The following TMTC2 variants were observed in gnomAD, a reference collection of about 807,000 sequenced individuals.
The protein encoded by TMTC2 is protein O-mannosyl-transferase TMTC2.
TMTC2 carries 43 observed loss-of-function variants against 82.4 expected under a neutral mutation model. That is an observed-to-expected ratio of 0.52 (90% CI 0.41 to 0.67). The LOEUF is 0.67. Ranked by LOEUF, TMTC2 falls within the 30% of genes least tolerant of loss-of-function variation. The pLI is 0.00. For missense variants in TMTC2, 919 were observed against 1,012.4 expected (o/e 0.91, Z 1.25); for synonymous variants, 408 against 381.9 (o/e 1.07, Z -0.80).
At chr12:82,901,680 G>A (rs1054553241) in intron 3 of TMTC2, among the ~76,000 whole-genome samples, 1 of 152,064 alleles carries the variant, frequency 6.6e-6, no homozygotes, top group African/African-American at 2.4e-5. Context: ...ACTCAGACAT[G>A]ATGTATTGGG....
At chr12:82,852,356 C>T (rs1871024407) in intron 1 of TMTC2, among the ~76,000 whole-genome samples, 1 of 152,110 alleles carries the variant, frequency 6.6e-6, no homozygotes, top group Non-Finnish European at 1.5e-5. Context: ...ATCCATCGTC[C>T]TCGGCCTCCC....
intron 1 of TMTC2, among the ~76,000 whole-genome samples, chr12:82,794,506 G>C (rs1878624030): frequency 6.6e-6 from 1 of 152,036 alleles, no homozygotes; most frequent in Non-Finnish European, 1.5e-5. Flanking sequence ...TATGAATTTT[G>C]CTGGTTGTGT....
intron 8 of TMTC2, among the ~76,000 whole-genome samples, chr12:82,994,423 C>T (rs1292720523): frequency 6.7e-6 from 1 of 149,048 alleles, no homozygotes; most frequent in African/African-American, 2.5e-5. Context: ...CATGAGCTAC[C>T]GTGCCCGTCT....
intron 3 of TMTC2, among the ~76,000 whole-genome samples, chr12:82,902,527 G>A (rs1874073068): frequency 6.6e-6 from 1 of 152,170 alleles, no homozygotes. Context: ...TTGTAATGAT[G>A]TGAGTGACAA....
chr12:82,769,257 T>A (rs1877153469), intron 1 of TMTC2, among the ~76,000 whole-genome samples: 1 of 151,646 alleles, frequency 6.6e-6, no homozygotes, highest in South Asian at 2.1e-4. Flanking sequence ...TGAAACACCT[T>A]AGGTCAGGAG....
At chr12:82,958,068 A>G (rs1418448709) in intron 4 of TMTC2, among the ~76,000 whole-genome samples, 1 of 152,090 alleles carries the variant, frequency 6.6e-6, no homozygotes, top group Admixed American at 6.6e-5. Context: ...CAAAGACACA[A>G]GGAAGAAAAC....
chr12:82,730,585 T>C (rs940104933), intron 1 of TMTC2, among the ~76,000 whole-genome samples: 4 of 152,186 alleles, frequency 2.6e-5, no homozygotes, highest in Non-Finnish European at 5.9e-5. Context: ...ATGCAGAGAT[T>C]AGCACTTTTA....
At chr12:82,914,735 G>C (rs550381273) in intron 3 of TMTC2, among the ~76,000 whole-genome samples, 1 of 150,888 alleles carries the variant, frequency 6.6e-6, no homozygotes, top group Non-Finnish European at 1.5e-5. Context: ...ATAATAATGT[G>C]CTTTCCAAGG....
At chr12:82,765,291 T>C (rs141616143) in intron 1 of TMTC2, among the ~76,000 whole-genome samples, 18 of 152,182 alleles carry the variant, frequency 1.2e-4, no homozygotes, top group Non-Finnish European at 2.2e-4. Context: ...TCAATAAATA[T>C]GTATCAAGTG....
chr12:82,963,189 G>A (rs1053950978), intron 4 of TMTC2, among the ~76,000 whole-genome samples: 3 of 151,906 alleles, frequency 2.0e-5, no homozygotes, highest in South Asian at 2.1e-4. Flanking sequence ...AGGGAAGAAC[G>A]ATCATAAGCA....
intron 7 of TMTC2, among the ~76,000 whole-genome samples, chr12:82,979,274 T>C (rs1006402940): frequency 3.3e-5 from 5 of 151,690 alleles, no homozygotes; most frequent in Non-Finnish European, 7.4e-5. Flanking sequence ...TCCTGTCTTT[T>C]AGTGAAGGTG....
At chr12:82,849,920 A>T (rs1870883646) in intron 1 of TMTC2, among the ~76,000 whole-genome samples, 1 of 152,082 alleles carries the variant, frequency 6.6e-6, no homozygotes, top group Admixed American at 6.5e-5. Flanking sequence ...TAGGATTTTT[A>T]AAATTTCATT....
At chr12:82,913,930 G>T (rs1347380108) in intron 3 of TMTC2, among the ~76,000 whole-genome samples, 1 of 151,980 alleles carries the variant, frequency 6.6e-6, no homozygotes, top group Non-Finnish European at 1.5e-5. Context: ...TTATACGTGG[G>T]TTTCAAATCC....
chr12:82,852,293 G>C (rs1354625880), intron 1 of TMTC2, among the ~76,000 whole-genome samples: 2 of 151,958 alleles, frequency 1.3e-5, no homozygotes, highest in Admixed American at 6.6e-5. Context: ...GTTTTTAGTA[G>C]AGACAGGGTT....
At chr12:82,993,352 G>T (rs1879478517) in intron 8 of TMTC2, among the ~76,000 whole-genome samples, 1 of 144,414 alleles carries the variant, frequency 6.9e-6, no homozygotes, top group Non-Finnish European at 1.5e-5. Flanking sequence ...TTTGAACTGT[G>T]CAGGTCTACT....
At chr12:82,828,297 T>C (rs193244322) in intron 1 of TMTC2, among the ~76,000 whole-genome samples, 1 of 141,352 alleles carries the variant, frequency 7.1e-6, no homozygotes, top group Admixed American at 7.5e-5. Context: ...CACTGCAACC[T>C]CTGCCTCCTG....
intron 8 of TMTC2, among the ~76,000 whole-genome samples, chr12:83,015,454 A>T (rs1880634222): frequency 1.3e-5 from 2 of 152,188 alleles, no homozygotes; most frequent in South Asian, 4.1e-4. Flanking sequence ...ATTAATCTGC[A>T]CAATGTGATG....
chr12:83,002,445 A>G (rs10862540), intron 8 of TMTC2, among the ~76,000 whole-genome samples: 116,488 of 152,066 alleles, frequency 0.77, 46,161 homozygotes, highest in South Asian at 0.93. Context: ...TTGTGACTCA[A>G]TTTAGCTTTG....
chr12:83,071,582 T>C (rs570106655), intron 11 of TMTC2, among the ~76,000 whole-genome samples: 44 of 152,332 alleles, frequency 2.9e-4, no homozygotes, highest in African/African-American at 1.0e-3. Context: ...GTACCAATTC[T>C]TCTTTTAATG....
Sources: allele counts gnomAD v4.1 joint callset (sites outside exome capture counted in the v4.1 genomes callset), GRCh38; gene constraint gnomAD v4.1.1; transcripts MANE v1.5; gene names NCBI Gene and HGNC (gene_info 2026-07-23, HGNC 2026-07-21).